The following DENND10 variants were observed in gnomAD, a reference collection of about 807,000 sequenced individuals.
DENND10 encodes DENN domain-containing protein 10.
DENND10 carries 24 observed loss-of-function variants against 43.6 expected under a neutral mutation model. The observed-to-expected ratio is 0.55, with a 90% CI of 0.40 to 0.77. DENND10 has a LOEUF of 0.77. DENND10 is among the 30% of genes least tolerant of loss of function. DENND10 has a pLI of 0.00. For synonymous variants in DENND10, 125 were observed against 157.6 expected (o/e 0.79, Z 1.55); for missense variants, 303 against 429.9 (o/e 0.70, Z 2.61).
At chr10:119,123,006 G>A (rs1361327344) in intron 5 of DENND10, among the ~76,000 whole-genome samples, 2 of 152,138 alleles carry the variant, frequency 1.3e-5, no homozygotes, top group African/African-American at 2.4e-5. Flanking sequence ...AGTGGCTCAC[G>A]CCTGTAATCC....
At chr10:119,107,899 T>C in intron 1 of DENND10, 69 bp from the exon 2 acceptor site, 22 of 1,427,964 alleles carry the variant, frequency 1.5e-5, no homozygotes, top group Non-Finnish European at 2.2e-5. Flanking sequence ...TAAGTGTTTC[T>C]GAGTAACCAA....
chr10:119,126,740 C>T (rs781681891), intron 6 of DENND10, among the ~76,000 whole-genome samples: 2 of 152,126 alleles, frequency 1.3e-5, no homozygotes, highest in African/African-American at 2.4e-5. Context: ...TCTGGGATTA[C>T]AGGCGTGAGC....
At chr10:119,122,466 T>C (rs1845621323) in intron 5 of DENND10, among the ~76,000 whole-genome samples, 1 of 152,202 alleles carries the variant, frequency 6.6e-6, no homozygotes, top group Non-Finnish European at 1.5e-5. Context: ...TAGAAGTTAT[T>C]ATTGTTATGA....
intron 4 of DENND10, among the ~76,000 whole-genome samples, chr10:119,118,244 TTG>T (rs1377893221): frequency 1.3e-5 from 2 of 152,232 alleles, no homozygotes; most frequent in African/African-American, 4.8e-5. Flanking sequence ...AAACAGGTTT[TTG>T]TGGTGTTTGT....
In DENND10 at chr10:119,104,186, T is replaced by C. The variant is rs1286375232; in HGVS notation, c.44T>C (p.Val15Ala). The change falls in exon 1 of 9, where the codon GTC becomes GCC. Residue 15 changes from valine (V) to alanine (A), a missense_variant. By Grantham distance (64) the Val-to-Ala change is moderately conservative. Coordinates refer to ENST00000361432, the MANE Select transcript of DENND10 (RefSeq NM_207009.4). ...EVADTQLMLGVGLIEKDTNGE... is the reference protein window; with the variant it reads ...EVADTQLMLGAGLIEKDTNGE... ...GCGGACACTCAGCTGATGCTTGGAGTCGGGCTGATCGGTGAGGACGTAGGC... is the reference window on the plus strand; with the variant it reads ...GCGGACACTCAGCTGATGCTTGGAGCCGGGCTGATCGGTGAGGACGTAGGC... The C allele has an allele frequency of 2.0e-6, 3 of 1,521,384 alleles. No homozygotes were observed. In the Admixed American group the frequency reaches 6.6e-5, roughly 34 times the overall value. The allele number at this position is 1,521,384 out of a possible 1,614,324, so 94.2% of individuals were successfully genotyped here.
At chr10:119,131,844 T>G (rs923393668) in intron 7 of DENND10, among the ~76,000 whole-genome samples, 1 of 152,234 alleles carries the variant, frequency 6.6e-6, no homozygotes, top group Admixed American at 6.5e-5. Flanking sequence ...TAGGGCCACT[T>G]AAGCAGCTGA....
In DENND10 at chr10:119,137,926, AGTT is replaced by A. The variant is rs758945314; in HGVS notation, c.*1283_*1285del. 3.0e-5 allele frequency: 5 copies of A among 166,990 alleles called. No homozygotes were observed. The highest frequency in any genetic ancestry group is 7.3e-5 in the Non-Finnish European group (5 of 68,114). The allele number at this position is 166,990 out of a possible 1,614,324, so 10.3% of individuals were successfully genotyped here. A position where few individuals can be genotyped will look rare whatever the true frequency, so the allele number is the denominator to read the frequency against. ...TATTACTATATTAGCTAATGATCAA[AGTT>A]GTTAAAATTATAAATTTATGATGCA... On this transcript the variant is annotated 3_prime_UTR_variant, in exon 9 of 9. Coordinates refer to ENST00000361432, the MANE Select transcript of DENND10 (RefSeq NM_207009.4).
intron 7 of DENND10, among the ~76,000 whole-genome samples, chr10:119,130,614 TCA>T (rs2133528374): frequency 6.6e-6 from 1 of 152,344 alleles, no homozygotes; most frequent in East Asian, 1.9e-4. Flanking sequence ...CATATTTATC[TCA>T]CAGTTTTGGC....
intron 5 of DENND10, among the ~76,000 whole-genome samples, chr10:119,121,705 G>A (rs1046609063): frequency 7.3e-5 from 11 of 151,706 alleles, no homozygotes; most frequent in African/African-American, 2.2e-4. Context: ...TGCCCGTCTC[G>A]GCCTCCTGAA....
chr10:119,122,247 G>A (rs1845612246), intron 5 of DENND10, among the ~76,000 whole-genome samples: 1 of 152,220 alleles, frequency 6.6e-6, no homozygotes, highest in Non-Finnish European at 1.5e-5. Flanking sequence ...GGTGGAGGCT[G>A]CAGTGAGCCA....
intron 3 of DENND10, chr10:119,114,177 C>T (rs1362904654): frequency 1.3e-5 from 2 of 152,202 alleles, no homozygotes; most frequent in Non-Finnish European, 2.9e-5. Context: ...AGTGAGGACT[C>T]GGAGCTACTG....
Position 119,132,481 on chromosome 10 carries a change from G to A in DENND10, c.803-34G>A, listed in dbSNP as rs769499190. The A allele has an allele frequency of 1.3e-6, 2 of 1,542,980 alleles. No individual in the cohort carries two copies. Among genetic ancestry groups the A allele is most frequent in the South Asian group, 1.1e-5 (1 of 89,026 alleles). On this transcript the variant is annotated intron_variant, in intron 7 of 8. Coordinates refer to ENST00000361432, the MANE Select transcript of DENND10 (RefSeq NM_207009.4). The surrounding 1 kb of genome is among the most constrained non-coding windows in gnomAD (Gnocchi z 4.2). Reference sequence around the variant, plus strand: ...AGATGGCATGATTATTTTTTATGTCGATTTCTAAATATTCACCTTCTTGAT... The same window carrying A: ...AGATGGCATGATTATTTTTTATGTCAATTTCTAAATATTCACCTTCTTGAT...
At chr10:119,107,486 C>A (rs1231224852) in intron 1 of DENND10, among the ~76,000 whole-genome samples, 9 of 151,554 alleles carry the variant, frequency 5.9e-5, no homozygotes, top group African/African-American at 2.2e-4. Flanking sequence ...TGACTGCAAC[C>A]TCTGCCTCCC....
At chr10:119,116,835 ATTTT>A (rs80097276) in intron 3 of DENND10, among the ~76,000 whole-genome samples, 1 of 144,676 alleles carries the variant, frequency 6.9e-6, no homozygotes. Context: ...CACCTGGCTA[ATTTT>A]TTTTTTTTTT....
At chr10:119,129,118 T>G (rs1282145922) in intron 6 of DENND10, among the ~76,000 whole-genome samples, 2 of 152,152 alleles carry the variant, frequency 1.3e-5, no homozygotes, top group African/African-American at 4.8e-5. Context: ...CCCTGAACCC[T>G]TAAAGATGAT....
intron 4 of DENND10, among the ~76,000 whole-genome samples, chr10:119,119,593 A>AT (rs887267718): frequency 1.3e-5 from 2 of 149,502 alleles, no homozygotes; most frequent in African/African-American, 5.0e-5. Flanking sequence ...ATTTTTAAAC[A>AT]TTTTTTAGAG....
chr10:119,123,631 CG>C, intron 6 of DENND10, 62 bp downstream of exon 6: 1 of 1,190,792 alleles, frequency 8.4e-7, no homozygotes, highest in Non-Finnish European at 1.2e-6. Context: ...TTTCCTGAGA[CG>C]GATTTTCACT....
chr10:119,125,665 GC>G (rs1278274250), intron 6 of DENND10, among the ~76,000 whole-genome samples: 4 of 151,624 alleles, frequency 2.6e-5, no homozygotes, highest in Non-Finnish European at 2.9e-5. Flanking sequence ...GCACCACCAT[GC>G]CCAGCTAATT....
intron 2 of DENND10, among the ~76,000 whole-genome samples, chr10:119,111,349 G>A (rs1428649138): frequency 1.3e-5 from 2 of 151,198 alleles, no homozygotes; most frequent in African/African-American, 4.9e-5. Flanking sequence ...TGGTGGTAGT[G>A]CCTGTAATCC....
Sources: gnomAD v4.1 joint callset for allele counts (sites outside exome capture counted in the v4.1 genomes callset) on GRCh38, gnomAD v4.1.1 for gene constraint, Gnocchi (gnomAD v3.1) non-coding constraint, MANE v1.5 for transcripts, NCBI Gene and HGNC (gene_info 2026-07-23, HGNC 2026-07-21) for gene names.